The following MS4A3 variants were observed in gnomAD, a reference collection of about 807,000 sequenced individuals.
MS4A3 encodes membrane-spanning 4-domains subfamily A member 3.
In MS4A3, 18 loss-of-function variants were observed where a neutral mutation model predicts 24.7. The observed-to-expected ratio is 0.73, with a 90% CI of 0.50 to 1.08. The LOEUF (loss-of-function observed/expected upper bound fraction) is 1.08. Ranked by LOEUF, MS4A3 falls within the 50% of genes least tolerant of loss-of-function variation. MS4A3 has a pLI of 0.00. For synonymous variants in MS4A3, 84 were observed against 95.3 expected (o/e 0.88, Z 0.69); for missense variants, 282 against 251.7 (o/e 1.12, Z -0.82).
chr11:60,061,171 A>G lies in MS4A3; in HGVS notation c.11A>G (p.His4Arg). The G allele has an allele frequency of 1.9e-6, 3 of 1,586,750 alleles. No individual in the cohort carries two copies. Among genetic ancestry groups the G allele is most frequent in the Non-Finnish European group, 2.6e-6 (3 of 1,170,470 alleles). MAS[H>R]EVDNAELGSA... Reference sequence around the variant, plus strand: ...CCATAAACAACCCCAATGGCCTCCCACGAAGTTGATAATGCAGAGCTGGGG... The same window carrying G: ...CCATAAACAACCCCAATGGCCTCCCGCGAAGTTGATAATGCAGAGCTGGGG... The change falls in exon 2 of 7, where the codon CAC becomes CGC. Residue 4 changes from histidine to arginine, a missense_variant. Coordinates refer to ENST00000278865, the MANE Select transcript of MS4A3 (RefSeq NM_006138.5).
Position 60,070,565 on chromosome 11 carries a change from G to A in MS4A3, c.*332G>A. The A allele has an allele frequency of 4.3e-6, 1 of 231,048 alleles. No individual in the cohort carries two copies. Among genetic ancestry groups the A allele is most frequent in the Middle Eastern group, 1.4e-3 (1 of 726 alleles). The allele number at this position is 231,048 out of a possible 1,614,324, so 14.3% of individuals were successfully genotyped here. A position where few individuals can be genotyped will look rare whatever the true frequency, so the allele number is the denominator to read the frequency against. ...ATCCACCTACTCCATTGCTTTATGAGGTTTAAGGAAGGAAGGCGGTATAAT... is the reference window on the plus strand; with the variant it reads ...ATCCACCTACTCCATTGCTTTATGAAGTTTAAGGAAGGAAGGCGGTATAAT... On this transcript the variant is annotated 3_prime_UTR_variant, in exon 7 of 7. Transcript: ENST00000278865.
At chr11:60,065,392 AAAAACAAAACAAAAC>A (rs554954053) in intron 4 of MS4A3, among the ~76,000 whole-genome samples, 1 of 152,026 alleles carries the variant, frequency 6.6e-6, no homozygotes, top group African/African-American at 2.4e-5. Context: ...TTCTCAACTT[AAAAACAAAACAAAAC>A]AAAACAAAAC....
intron 4 of MS4A3, 78 bp from the exon 5 acceptor site, chr11:60,066,873 G>A (rs981597258): frequency 1.0e-5 from 12 of 1,143,284 alleles, no homozygotes; most frequent in South Asian, 1.7e-5. Context: ...TTCAATCAAT[G>A]TTTGTTTCAA....
chr11:60,067,682 C>CT (rs1167399839), intron 5 of MS4A3, among the ~76,000 whole-genome samples: 1 of 152,138 alleles, frequency 6.6e-6, no homozygotes, highest in Admixed American at 6.5e-5. Flanking sequence ...TAAAACAAGG[C>CT]TTAGCATATC....
At chr11:60,056,895 T>A (rs945610508) in intron 1 of MS4A3, among the ~76,000 whole-genome samples, 155 bp downstream of exon 1, 3 of 152,174 alleles carry the variant, frequency 2.0e-5, no homozygotes, top group Non-Finnish European at 4.4e-5. Context: ...CTCTTTAGGA[T>A]GTGATGATTC....
intron 1 of MS4A3, among the ~76,000 whole-genome samples, chr11:60,058,770 C>T (rs762598915): frequency 2.0e-5 from 3 of 152,010 alleles, no homozygotes; most frequent in Admixed American, 6.6e-5. Context: ...CAACATTCTC[C>T]GTATTGCATG....
intron 2 of MS4A3, among the ~76,000 whole-genome samples, chr11:60,061,932 A>G (rs1248845577): frequency 2.0e-5 from 3 of 152,252 alleles, no homozygotes; most frequent in Non-Finnish European, 1.5e-5. Flanking sequence ...CTCATGGTAG[A>G]AAACATCAAA....
At chr11:60,067,200 C>G in intron 5 of MS4A3, 88 bp downstream of exon 5, 2 of 861,978 alleles carry the variant, frequency 2.3e-6, no homozygotes, top group Non-Finnish European at 3.4e-6. Flanking sequence ...ACCAATGTGC[C>G]ATAATTTGAA....
chr11:60,064,379 G>T, intron 4 of MS4A3, 61 bp downstream of exon 4: 1 of 1,276,258 alleles, frequency 7.8e-7, no homozygotes, highest in Non-Finnish European at 1.1e-6. Context: ...TTCATAAACA[G>T]TAGGACAGTA....
chr11:60,062,136 T>C (rs538092913), intron 2 of MS4A3, among the ~76,000 whole-genome samples: 3 of 152,246 alleles, frequency 2.0e-5, no homozygotes, highest in East Asian at 3.9e-4. Context: ...CTTCATCATA[T>C]TATGATGCAA....
At chr11:60,057,360 T>C (rs558686776) in intron 1 of MS4A3, among the ~76,000 whole-genome samples, 2 of 152,226 alleles carry the variant, frequency 1.3e-5, no homozygotes, top group South Asian at 4.2e-4. Flanking sequence ...TGAACTTAAC[T>C]GGCAGTTTCC....
chr11:60,062,587 G>C lies in MS4A3; in HGVS notation c.276G>C (p.Pro92=), dbSNP rs376718907. 1 of 1,613,852 alleles carries C rather than the reference G, an allele frequency of 6.2e-7. No individual in the cohort carries two copies. The highest frequency in any genetic ancestry group is 1.1e-5 in the South Asian group (1 of 91,076). The change falls in exon 3 of 7, where the codon CCG becomes CCC. Residue 92 remains proline (P), a synonymous_variant. Coordinates refer to ENST00000278865, the MANE Select transcript of MS4A3 (RefSeq NM_006138.5). ...FFFFTFYTGY[P]IWGAVFFCSS... ...TCTTCACCTTCTACACAGGCTACCC[G>C]ATTTGGGGTGCTGTGTTTGTGAGTA...
At position 60,061,204 on chromosome 11, in the gene MS4A3, C is replaced by T; in HGVS notation, c.44C>T (p.Ser15Phe). 1 of 1,613,090 alleles carries T rather than the reference C, an allele frequency of 6.2e-7. No individual in the cohort carries two copies. Among genetic ancestry groups the T allele is most frequent in the Non-Finnish European group, 8.5e-7 (1 of 1,179,652 alleles). ...GATAATGCAGAGCTGGGGTCAGCCT[C>T]TGCCCATGGTACCCCAGGCAGTGAG... is the stretch of plus-strand genomic sequence containing the variant. ...EVDNAELGSA[S>F]AHGTPGSEAG... The change falls in exon 2 of 7, where the codon TCT (serine) becomes TTT (phenylalanine). Residue 15 changes from serine (S) to phenylalanine (F), a missense_variant. Coordinates refer to ENST00000278865, the MANE Select transcript of MS4A3 (RefSeq NM_006138.5).
chr11:60,066,687 GCC>G (rs1331330941), intron 4 of MS4A3, among the ~76,000 whole-genome samples: 1 of 152,096 alleles, frequency 6.6e-6, no homozygotes, highest in Non-Finnish European at 1.5e-5. Flanking sequence ...CATTCTGTTA[GCC>G]CCTAGTACTT....
At chr11:60,063,631 TTCCTTTTGCCGTGCAAAAGCTCCTTAG>T (rs1334225957) in intron 3 of MS4A3, among the ~76,000 whole-genome samples, 4 of 152,240 alleles carry the variant, frequency 2.6e-5, no homozygotes, top group Non-Finnish European at 5.9e-5. Flanking sequence ...CTGCTGACTG[TTCCTTTTGCCGTGCAAAAGCTCCTTAG>T]TTTAATTAGG....
At chr11:60,065,000 CT>C (rs1273457096) in intron 4 of MS4A3, among the ~76,000 whole-genome samples, 1 of 152,054 alleles carries the variant, frequency 6.6e-6, no homozygotes, top group Non-Finnish European at 1.5e-5. Context: ...AGATTCCATT[CT>C]TTTTTTCCCC....
intron 1 of MS4A3, among the ~76,000 whole-genome samples, chr11:60,060,597 A>G (rs17154527): frequency 0.25 from 37,260 of 152,046 alleles, 6,061 homozygotes; most frequent in East Asian, 0.44. Context: ...TTTATAAGCC[A>G]TATGAGTTTG....
Position 60,066,939 on chromosome 11 carries a change from ATTC to A in MS4A3, c.352-9_352-7del. On this transcript the variant is annotated splice_polypyrimidine_tract_variant and intron_variant, in intron 4 of 6. Transcript: ENST00000278865. ...CTGCATATATTAATTGAAAATTCTT[ATTC>A]TTTTTTAGATACAGAACAGTTTTGG... The A allele has an allele frequency of 6.4e-7, 1 of 1,569,908 alleles. No homozygotes were observed.
Position 60,067,056 on chromosome 11 carries a change from T to C in MS4A3, c.457T>C (p.Cys153Arg). The C allele has an allele frequency of 1.2e-6, 2 of 1,613,566 alleles. No individual in the cohort carries two copies. Among genetic ancestry groups the C allele is most frequent in the South Asian group, 2.2e-5 (2 of 90,938 alleles). Residue 153 changes from cysteine (C) to arginine (R), a missense_variant, in exon 5 of 7, where the codon TGT becomes CGT. Physicochemically the swap from Cys to Arg is radical, Grantham distance 180. Transcript: ENST00000278865. ...AGTTAATATCCAGTCATTAAGGAGT[T>C]GTCACTCTTCATCAGAGTCACCGGA... Reference protein sequence around the residue: ...IAVNIQSLRSCHSSSESPDLC... With the variant: ...IAVNIQSLRSRHSSSESPDLC...
Sources: allele counts gnomAD v4.1 joint callset (sites outside exome capture counted in the v4.1 genomes callset), GRCh38; gene constraint gnomAD v4.1.1; transcripts MANE v1.5; gene names NCBI Gene and HGNC (gene_info 2026-07-23, HGNC 2026-07-21).